The following DRC11 variants were observed in gnomAD, a reference collection of about 807,000 sequenced individuals.
DRC11 encodes IQ and AAA domain-containing protein 1.
chr2:236,321,266 G>C, the DRC11 span, among the ~76,000 whole-genome samples: 1 of 152,168 alleles, frequency 6.6e-6, no homozygotes, highest in African/African-American at 2.4e-5. Context: ...TGTCAGAGTG[G>C]ACTGATTAAA....
chr2:236,380,702 T>C, the DRC11 span: 9 of 1,205,098 alleles, frequency 7.5e-6, no homozygotes, highest in African/African-American at 1.5e-5. The surrounding 1 kb of genome is among the most constrained non-coding windows in gnomAD (Gnocchi z 4.9). Flanking sequence ...TCCTAGAAAT[T>C]AGCTAAGCAC....
chr2:236,459,502 T>C, the DRC11 span, among the ~76,000 whole-genome samples: 1 of 107,622 alleles, frequency 9.3e-6, no homozygotes, highest in African/African-American at 3.4e-5. Context: ...CGTATATATG[T>C]ATACGTATAC....
the DRC11 span, among the ~76,000 whole-genome samples, chr2:236,435,980 T>C: frequency 6.6e-6 from 1 of 152,346 alleles, no homozygotes; most frequent in Admixed American, 6.5e-5. Flanking sequence ...ATTTGTTTGA[T>C]CCACGTCACT....
At chr2:236,338,311 C>T in the DRC11 span, 1 of 1,613,934 alleles carries the variant, frequency 6.2e-7, no homozygotes, top group East Asian at 2.2e-5. Context: ...TCCCCACAAT[C>T]AGAATCCGGT....
the DRC11 span, chr2:236,324,833 C>G: frequency 7.8e-7 from 1 of 1,274,578 alleles, no homozygotes. This position sits in a 1 kb window ranked among gnomAD's most constrained non-coding sequence, Gnocchi z 5.7. Flanking sequence ...ACCAATTCAC[C>G]GCAATACTCT....
the DRC11 span, among the ~76,000 whole-genome samples, chr2:236,403,545 T>C: frequency 2.0e-5 from 3 of 152,194 alleles, no homozygotes; most frequent in South Asian, 6.2e-4. Flanking sequence ...TTTGCATGCA[T>C]ATGTGATATC....
At chr2:236,426,291 G>C in the DRC11 span, among the ~76,000 whole-genome samples, 20 of 151,892 alleles carry the variant, frequency 1.3e-4, no homozygotes, top group East Asian at 3.9e-3. The surrounding 1 kb of genome is among the most constrained non-coding windows in gnomAD (Gnocchi z 4.1). Flanking sequence ...CTATTTATTT[G>C]TGTCCTCTTA....
At chr2:236,357,073 T>TATC in the DRC11 span, among the ~76,000 whole-genome samples, 1 of 99,794 alleles carries the variant, frequency 1.0e-5, no homozygotes, top group Non-Finnish European at 2.2e-5. Context: ...TATTCATATA[T>TATC]TATATATCTA....
the DRC11 span, chr2:236,338,528 G>T: frequency 1.4e-6 from 1 of 737,834 alleles, no homozygotes; most frequent in Non-Finnish European, 2.2e-6. Flanking sequence ...TTTGTCCTGG[G>T]ATGGGTCTCG....
chr2:236,419,152 A>T, the DRC11 span: 7 of 1,518,242 alleles, frequency 4.6e-6, no homozygotes, highest in South Asian at 9.1e-5. The surrounding 1 kb of genome is among the most constrained non-coding windows in gnomAD (Gnocchi z 4.8). Context: ...ATTTTACCTT[A>T]TTTTTCTCCT....
chr2:236,480,626 C>G, the DRC11 span, among the ~76,000 whole-genome samples: 1 of 152,146 alleles, frequency 6.6e-6, no homozygotes, highest in Non-Finnish European at 1.5e-5. Context: ...TTCAAAGTTG[C>G]TTTCCTGTGT....
the DRC11 span, chr2:236,344,433 G>C: frequency 1.5e-5 from 10 of 656,492 alleles, 1 homozygote; most frequent in South Asian, 1.5e-4. Context: ...CCACTACAGA[G>C]AGCCCCAGTG....
At chr2:236,356,921 T>C in the DRC11 span, among the ~76,000 whole-genome samples, 1 of 128,844 alleles carries the variant, frequency 7.8e-6, no homozygotes, top group African/African-American at 2.8e-5. Flanking sequence ...ATTATATATA[T>C]TCATATATAT....
At chr2:236,364,124 G>A in the DRC11 span, 7 of 684,998 alleles carry the variant, frequency 1.0e-5, no homozygotes, top group African/African-American at 1.3e-4. Flanking sequence ...TCAAACCAGA[G>A]ACACGCCTCC....
the DRC11 span, among the ~76,000 whole-genome samples, chr2:236,503,927 AGAT>A: frequency 2.0e-5 from 3 of 152,184 alleles, no homozygotes; most frequent in Admixed American, 6.5e-5. The surrounding 1 kb of genome is among the most constrained non-coding windows in gnomAD (Gnocchi z 4.9). Context: ...AGAGGCGGCA[AGAT>A]GATTTTTCAT....
chr2:236,311,200 A>G, the DRC11 span, among the ~76,000 whole-genome samples: 1 of 152,270 alleles, frequency 6.6e-6, no homozygotes, highest in African/African-American at 2.4e-5. This position sits in a 1 kb window ranked among gnomAD's most constrained non-coding sequence, Gnocchi z 6.9. Flanking sequence ...CCTCTCAATG[A>G]GATCTCCCCA....
chr2:236,313,823 C>T, the DRC11 span, among the ~76,000 whole-genome samples: 2 of 151,846 alleles, frequency 1.3e-5, no homozygotes. The surrounding 1 kb of genome is among the most constrained non-coding windows in gnomAD (Gnocchi z 4.5). Context: ...GGGTATTGAA[C>T]GTTTATTCCA....
the DRC11 span, among the ~76,000 whole-genome samples, chr2:236,465,340 T>TA: frequency 1.6e-4 from 24 of 152,256 alleles, no homozygotes; most frequent in African/African-American, 5.8e-4. The surrounding 1 kb of genome is among the most constrained non-coding windows in gnomAD (Gnocchi z 6.2). Context: ...TTTCCATATT[T>TA]AAAAAAATTA....
the DRC11 span, chr2:236,380,434 G>A: frequency 4.4e-6 from 3 of 683,014 alleles, no homozygotes; most frequent in African/African-American, 3.6e-5. The surrounding 1 kb of genome is among the most constrained non-coding windows in gnomAD (Gnocchi z 4.9). Context: ...TAGGGACTTA[G>A]AGGTGGCTCC....
Sources: allele counts gnomAD v4.1 joint callset (sites outside exome capture counted in the v4.1 genomes callset), GRCh38; gene constraint gnomAD v4.1.1; non-coding constraint Gnocchi (gnomAD v3.1); transcripts MANE v1.5; gene names NCBI Gene and HGNC (gene_info 2026-07-23, HGNC 2026-07-21).